The following BTBD7 variants were observed in gnomAD, a reference collection of about 807,000 sequenced individuals.
The protein encoded by BTBD7 is BTB domain containing 7, also known as BTB/POZ domain-containing protein 7.
BTBD7 carries 38 observed loss-of-function variants against 99.9 expected under a neutral mutation model. That is an observed-to-expected ratio of 0.38 (90% CI 0.29 to 0.50). The LOEUF is 0.50. Among genes scored for constraint, BTBD7 ranks in the 20% least tolerant of loss-of-function variants. The pLI is 0.93. For synonymous variants in BTBD7, 520 were observed against 511.4 expected, an observed-to-expected ratio of 1.02 and a Z score of -0.23; for missense variants, 1,170 against 1,394.6, an observed-to-expected ratio of 0.84 and a Z score of 2.57.
At chr14:93,310,771 T>A (rs891845566) in intron 1 of BTBD7, among the ~76,000 whole-genome samples, 2 of 67,166 alleles carry the variant, frequency 3.0e-5, no homozygotes, top group African/African-American at 1.8e-4. Flanking sequence ...ACCAAAAAAC[T>A]TTTTTTTTTT....
intron 1 of BTBD7, among the ~76,000 whole-genome samples, chr14:93,328,602 A>G (rs1212234247): frequency 7.0e-6 from 1 of 142,866 alleles, no homozygotes; most frequent in Admixed American, 7.1e-5. Flanking sequence ...CCAGAACTAT[A>G]AAATTCTTTA....
rs756126969 is a variant in BTBD7, at chr14:93,296,017, C to G, written c.35G>C (p.Cys12Ser). 2 of 1,614,080 alleles carry G rather than the reference C, an allele frequency of 1.2e-6. No homozygotes were observed. Among genetic ancestry groups the G allele is most frequent in the Non-Finnish European group, 1.7e-6 (2 of 1,179,984 alleles). ...TGAATTTCCCCCTACCCTCGGGGAA[C>G]ATGAATGAGGATAATTAGATGCATT... is the stretch of plus-strand genomic sequence containing the variant. ...GANASNYPHS[C>S]SPRVGGNSQA... The change falls in exon 2 of 11, where the codon TGT becomes TCT. Residue 12 changes from cysteine (C) to serine (S), a missense_variant. Around this residue, in one of 4 missense-constraint regions of BTBD7, gnomAD observed 359 missense variants for 497.9 expected, o/e 0.72. Coordinates refer to ENST00000334746, the MANE Select transcript of BTBD7 (RefSeq NM_001002860.4).
In BTBD7 at chr14:93,248,630, T is replaced by C. The variant is rs1374683713; in HGVS notation, c.1967A>G (p.Asp656Gly). 1 of 1,611,704 alleles carries C rather than the reference T, an allele frequency of 6.2e-7. No homozygotes were observed. Among genetic ancestry groups the C allele is most frequent in the African/African-American group, 1.3e-5 (1 of 74,898 alleles). Residue 656 changes from aspartate (D) to glycine (G), a missense_variant, in exon 9 of 11, where the codon GAC (aspartate) becomes GGC (glycine). Physicochemically the swap from Asp to Gly is moderately conservative, Grantham distance 94. Around this residue, in one of 4 missense-constraint regions of BTBD7, gnomAD observed 309 missense variants for 342.0 expected, o/e 0.90. Transcript: ENST00000334746. The part of the protein sequence containing the change: ...IPVPRLLIMK[D>G]MVRRLQELRH... ...CAGTTCCTGCAGTCGTCTGACCATG[T>C]CTTTCATAATGAGGAGACGAGGAAC...
chr14:93,288,519 T>G, intron 3 of BTBD7: 2 of 776,336 alleles, frequency 2.6e-6, no homozygotes, highest in South Asian at 1.3e-5. Context: ...TACTGAAGTT[T>G]TCTTCTGCTC....
At chr14:93,282,930 A>G (rs1309415473) in intron 3 of BTBD7, among the ~76,000 whole-genome samples, 6 of 152,236 alleles carry the variant, frequency 3.9e-5, no homozygotes, top group African/African-American at 1.2e-4. Flanking sequence ...TGAAGAACAC[A>G]TATCTCAGTA....
At chr14:93,323,252 A>T (rs1018331598) in intron 1 of BTBD7, among the ~76,000 whole-genome samples, 9 of 152,262 alleles carry the variant, frequency 5.9e-5, no homozygotes, top group East Asian at 1.9e-4. Context: ...GAAAAAAAAA[A>T]TTTTTTTAAC....
chr14:93,330,015 T>C (rs1283444660), intron 1 of BTBD7, among the ~76,000 whole-genome samples: 2 of 152,248 alleles, frequency 1.3e-5, no homozygotes, highest in Non-Finnish European at 2.9e-5. Flanking sequence ...TCCTTCCTAC[T>C]GACTTTATCC....
At position 93,242,662 on chromosome 14, in the gene BTBD7, C is replaced by A. The variant is rs1370549152; in HGVS notation, c.3010G>T (p.Glu1004Ter). The A allele has an allele frequency of 1.9e-6, 3 of 1,614,174 alleles. No homozygotes were observed. Among genetic ancestry groups the A allele is most frequent in the South Asian group, 1.1e-5 (1 of 91,084 alleles). Residue 1004 changes from glutamate to a stop codon, truncating the protein, a stop_gained, in exon 11 of 11, where the codon GAA (glutamate) becomes TAA (stop). Transcript: ENST00000334746. LOFTEE classifies it high-confidence loss of function. ...GAAAGTGGATATTCTCTCCTAGCTT[C>A]TTCCTGTTTTTTAGGAGACGTCTGA... ...PGQTSPKKQE[E>*]ARREYPLSPD...
intron 3 of BTBD7, among the ~76,000 whole-genome samples, chr14:93,292,031 A>G (rs1259375522): frequency 6.6e-6 from 1 of 152,158 alleles, no homozygotes; most frequent in Non-Finnish European, 1.5e-5. Flanking sequence ...TACTAAAAAT[A>G]CAGAAATTAG....
intron 3 of BTBD7, among the ~76,000 whole-genome samples, chr14:93,283,946 C>T (rs1307426626): frequency 6.6e-6 from 1 of 152,084 alleles, no homozygotes; most frequent in Non-Finnish European, 1.5e-5. Context: ...ATTTTCTTTT[C>T]CCTTAATAAA....
intron 3 of BTBD7, among the ~76,000 whole-genome samples, chr14:93,290,276 G>A (rs1402156471): frequency 2.2e-4 from 33 of 151,176 alleles, no homozygotes; most frequent in East Asian, 1.9e-4. Context: ...GCAGTGGTGC[G>A]ATCTCAGCTC....
chr14:93,283,654 CA>C (rs1196696490), intron 3 of BTBD7, among the ~76,000 whole-genome samples: 5 of 152,198 alleles, frequency 3.3e-5, no homozygotes, highest in Non-Finnish European at 7.3e-5. Flanking sequence ...CTGGTTCAAG[CA>C]ATTTTCATGC....
intron 1 of BTBD7, among the ~76,000 whole-genome samples, chr14:93,316,139 A>G (rs1238139964): frequency 6.6e-6 from 1 of 151,532 alleles, no homozygotes; most frequent in Non-Finnish European, 1.5e-5. Context: ...TTTTTAGTAG[A>G]GATAGGGTTT....
chr14:93,272,405 T>G (rs740788), intron 3 of BTBD7, among the ~76,000 whole-genome samples: 29,912 of 152,206 alleles, frequency 0.2, 4,389 homozygotes, highest in African/African-American at 0.42. Flanking sequence ...CCTATAAATC[T>G]TTAATTTCTA....
At position 93,301,829 on chromosome 14, in the gene BTBD7, T is replaced by C. The variant is rs182383812; in HGVS notation, c.-106-5672A>G. ...ATTTGGACTCCCCATGTAATGAAAA[T>C]TAACAAAGGGACAGACAGATTTCCC... On this transcript the variant is annotated intron_variant, in intron 1 of 10. Coordinates refer to ENST00000334746, the MANE Select transcript of BTBD7 (RefSeq NM_001002860.4). Among the ~76,000 whole-genome samples, 15 of 152,258 alleles carry C rather than the reference T, an allele frequency of 9.9e-5. No homozygotes were observed. In the East Asian group the frequency reaches 2.9e-3, roughly 29 times the overall value.
chr14:93,270,381 C>T (rs2052588707), intron 3 of BTBD7, among the ~76,000 whole-genome samples: 1 of 151,734 alleles, frequency 6.6e-6, no homozygotes, highest in African/African-American at 2.4e-5. Flanking sequence ...CAGGCGTGAG[C>T]CACTGCGCCT....
intron 5 of BTBD7, among the ~76,000 whole-genome samples, 183 bp downstream of exon 5, chr14:93,261,419 T>C (rs2052488041): frequency 6.6e-6 from 1 of 152,214 alleles, no homozygotes; most frequent in South Asian, 2.1e-4. Flanking sequence ...AATAAGACTT[T>C]CTGATATATT....
chr14:93,329,315 T>C (rs1444422315), intron 1 of BTBD7, among the ~76,000 whole-genome samples: 4 of 151,608 alleles, frequency 2.6e-5, no homozygotes, highest in Admixed American at 6.6e-5. Context: ...AAAAACACAA[T>C]GAAATATCAC....
chr14:93,264,028 C>G, intron 3 of BTBD7, 35 bp from the exon 4 acceptor site: 1 of 1,566,530 alleles, frequency 6.4e-7, no homozygotes, highest in Non-Finnish European at 8.8e-7. Flanking sequence ...TGAGATTAAT[C>G]ATAAATATTA....
Sources: allele counts gnomAD v4.1 joint callset (sites outside exome capture counted in the v4.1 genomes callset), GRCh38; gene constraint gnomAD v4.1.1; regional missense constraint gnomAD v4.1.1; transcripts MANE v1.5; gene names NCBI Gene and HGNC (gene_info 2026-07-23, HGNC 2026-07-21).